Variants in PTPN14 observed in about 807,000 individuals in gnomAD.
PTPN14 encodes the protein protein tyrosine phosphatase non-receptor type 14.
PTPN14 carries 53 observed loss-of-function variants against 126.8 expected under a neutral mutation model. The ratio of observed to expected loss-of-function variants is 0.42; its 90% CI spans 0.34 to 0.53. The LOEUF (loss-of-function observed/expected upper bound fraction) is 0.53, where lower values mean the gene tolerates loss of function less well. Among genes scored for constraint, PTPN14 ranks in the 20% least tolerant of loss-of-function variants. The probability of loss-of-function intolerance (pLI) is 0.08; values close to 1 mark genes in which losing one functional copy is unlikely to be tolerated. For synonymous variants in PTPN14, 630 were observed against 599.3 expected, an observed-to-expected ratio of 1.05 and a Z score of -0.75; for missense variants, 1,257 against 1,552.9, an observed-to-expected ratio of 0.81 and a Z score of 3.20.
chr1:214,433,064 C>T (rs1028365867), intron 3 of PTPN14, among the ~76,000 whole-genome samples: 6 of 151,972 alleles, frequency 3.9e-5, no homozygotes. Context: ...CCACCACGCC[C>T]GGCTATTTTT....
intron 5 of PTPN14, among the ~76,000 whole-genome samples, chr1:214,404,977 T>G (rs1251868771): frequency 6.6e-6 from 1 of 152,210 alleles, no homozygotes; most frequent in East Asian, 1.9e-4. Context: ...GGGCCTGGCA[T>G]GCAGACCATT....
At chr1:214,358,232 G>A (rs1040759399) in intron 18 of PTPN14, among the ~76,000 whole-genome samples, 182 bp from the exon 19 acceptor site, 1 of 152,124 alleles carries the variant, frequency 6.6e-6, no homozygotes, top group African/African-American at 2.4e-5. Context: ...TGGAGAACCT[G>A]GTCATCATGT....
intron 1 of PTPN14, among the ~76,000 whole-genome samples, chr1:214,489,479 C>T (rs10864105): frequency 0.62 from 93,892 of 152,072 alleles, 29,403 homozygotes; most frequent in Middle Eastern, 0.72. Context: ...GGCCACACTT[C>T]CCAATTTTCA....
chr1:214,479,794 T>A (rs1464737925), intron 1 of PTPN14, among the ~76,000 whole-genome samples: 1 of 152,136 alleles, frequency 6.6e-6, no homozygotes. Flanking sequence ...CTGATTATAA[T>A]TCATTATAAG....
chr1:214,367,804 A>AGT (rs1272139314), intron 17 of PTPN14, among the ~76,000 whole-genome samples: 1 of 152,198 alleles, frequency 6.6e-6, no homozygotes, highest in East Asian at 1.9e-4. Context: ...TTGGACGATG[A>AGT]TGACTGGCCT....
chr1:214,363,496 G>A (rs1173514322), intron 18 of PTPN14, among the ~76,000 whole-genome samples: 1 of 152,078 alleles, frequency 6.6e-6, no homozygotes, highest in African/African-American at 2.4e-5. Context: ...CAAACCACAA[G>A]TTTCCTTTAA....
chr1:214,503,438 T>C (rs1005755852), intron 1 of PTPN14, among the ~76,000 whole-genome samples: 1 of 152,212 alleles, frequency 6.6e-6, no homozygotes, highest in Non-Finnish European at 1.5e-5. Flanking sequence ...CTCGCTTCCA[T>C]TTTTATGTCT....
Position 214,476,162 on chromosome 1 carries a change from A to G in PTPN14, c.-154-11205T>C, listed in dbSNP as rs74142709. Among the ~76,000 whole-genome samples the G allele has an allele frequency of 5.4e-3, 829 of 152,312 alleles. 8 individuals are homozygous for G. Among genetic ancestry groups the G allele is most frequent in the African/African-American group, 0.019 (785 of 41,572 alleles). ...CCCATCCCAGCCATAGCACCCTGCC[A>G]GAGCCTCTTACCTAGATGGCCTATT... On this transcript the variant is annotated intron_variant, in intron 1 of 18. Coordinates refer to ENST00000366956, the MANE Select transcript of PTPN14 (RefSeq NM_005401.5).
At chr1:214,433,026 C>A (rs1246567054) in intron 3 of PTPN14, among the ~76,000 whole-genome samples, 2 of 152,134 alleles carry the variant, frequency 1.3e-5, no homozygotes, top group Non-Finnish European at 2.9e-5. Context: ...GCCTCAGCCT[C>A]CTGAGTAGCT....
intron 10 of PTPN14, among the ~76,000 whole-genome samples, chr1:214,392,633 GAGAATGTGTCT>G (rs1033864867): frequency 2.0e-5 from 3 of 152,148 alleles, no homozygotes; most frequent in Non-Finnish European, 4.4e-5. Context: ...CGGCACATGC[GAGAATGTGTCT>G]AGAAGAAACG....
chr1:214,534,529 C>T (rs1008048477), intron 1 of PTPN14, among the ~76,000 whole-genome samples: 3 of 151,710 alleles, frequency 2.0e-5, no homozygotes, highest in Non-Finnish European at 4.4e-5. Context: ...CTGGCTAACA[C>T]GGTGAAACCC....
chr1:214,392,525 G>C (rs1020071480), intron 10 of PTPN14, among the ~76,000 whole-genome samples: 2 of 152,120 alleles, frequency 1.3e-5, no homozygotes, highest in Non-Finnish European at 2.9e-5. Flanking sequence ...TAGCATTCTT[G>C]TTCATGTCAA....
intron 13 of PTPN14, among the ~76,000 whole-genome samples, chr1:214,379,980 T>A (rs1658434645): frequency 6.6e-6 from 1 of 152,260 alleles, no homozygotes; most frequent in African/African-American, 2.4e-5. Context: ...TCAGATTTTC[T>A]GGGTTTACAG....
At chr1:214,417,843 C>T (rs1383749206) in intron 3 of PTPN14, among the ~76,000 whole-genome samples, 1 of 152,084 alleles carries the variant, frequency 6.6e-6, no homozygotes, top group Non-Finnish European at 1.5e-5. Context: ...GTGAAATCTT[C>T]ATTCCAAGTC....
At chr1:214,445,759 C>A (rs12074811) in intron 3 of PTPN14, among the ~76,000 whole-genome samples, 57,498 of 151,564 alleles carry the variant, frequency 0.38, 11,132 homozygotes, top group East Asian at 0.52. Flanking sequence ...TGATCTTGGC[C>A]AGCAATTTTC....
At chr1:214,368,718 C>A (rs1658144192) in intron 17 of PTPN14, among the ~76,000 whole-genome samples, 1 of 152,092 alleles carries the variant, frequency 6.6e-6, no homozygotes, top group Non-Finnish European at 1.5e-5. Context: ...CACAGTGGCT[C>A]ACACCTGTAA....
intron 2 of PTPN14, 149 bp downstream of exon 2, chr1:214,464,481 A>G: frequency 9.3e-7 from 1 of 1,072,168 alleles, no homozygotes; most frequent in Non-Finnish European, 1.3e-6. Context: ...CGTGCTAAGA[A>G]TAACAGGATT....
At chr1:214,487,659 C>T (rs572390255) in intron 1 of PTPN14, among the ~76,000 whole-genome samples, 4 of 152,028 alleles carry the variant, frequency 2.6e-5, no homozygotes. Context: ...ACTGTTACAT[C>T]CAATTAGAAG....
Position 214,464,496 on chromosome 1 carries a change from T to C in PTPN14, c.174+134A>G, listed in dbSNP as rs566136017. ...CGTGCTAAGAATAACAGGATTCTTA[T>C]AAACACATCGTCGCTTAGGCCAAAA... is the stretch of plus-strand genomic sequence containing the variant. On this transcript the variant is annotated intron_variant, in intron 2 of 18. Transcript: ENST00000366956. 53 of 1,201,756 alleles carry C rather than the reference T, an allele frequency of 4.4e-5. No individual in the cohort carries two copies. The African/African-American group carries it at 7.5e-4, about 17-fold the overall frequency. 74.4% of individuals were successfully genotyped at this position (1,201,756 alleles called of 1,614,324 possible).
Sources: allele counts gnomAD v4.1 joint callset (sites outside exome capture counted in the v4.1 genomes callset), GRCh38; gene constraint gnomAD v4.1.1; transcripts MANE v1.5; gene names NCBI Gene and HGNC (gene_info 2026-07-23, HGNC 2026-07-21).